The following IFFO2 variants were observed in gnomAD, a reference collection of about 807,000 sequenced individuals.
IFFO2 encodes the protein intermediate filament family orphan 2.
IFFO2 carries 19 observed loss-of-function variants against 53.5 expected under a neutral mutation model. That is an observed-to-expected ratio of 0.36 (90% CI 0.25 to 0.52). The LOEUF is 0.52. Among genes scored for constraint, IFFO2 ranks in the 20% least tolerant of loss-of-function variants. The pLI, the probability that IFFO2 is intolerant of heterozygous loss-of-function variation, is 0.94. For missense variants in IFFO2, 570 were observed against 727.4 expected (o/e 0.78, Z 2.49); for synonymous variants, 303 against 313.6 (o/e 0.97, Z 0.36).
intron 7 of IFFO2, 23 bp downstream of exon 7, chr1:18,911,361 G>A: frequency 7.5e-7 from 1 of 1,336,616 alleles, no homozygotes; most frequent in African/African-American, 1.5e-5. Flanking sequence ...CTCACGAGTG[G>A]GCTCCACGTC....
chr1:18,929,386 C>A (rs1298135703), intron 1 of IFFO2, among the ~76,000 whole-genome samples: 1 of 152,166 alleles, frequency 6.6e-6, no homozygotes, highest in African/African-American at 2.4e-5. Flanking sequence ...AAGTCTGGGC[C>A]CCCTCAGCAA....
rs750215792 is a variant in IFFO2 at position 18,956,231 on chromosome 1, CCCGCCG to C, written c.96_101del (p.Gly33_Gly34del). The C allele has an allele frequency of 4.2e-5, 52 of 1,241,468 alleles. 2 individuals carry two copies. The South Asian group carries it at 7.7e-4, about 18-fold the overall frequency. The allele number at this position is 1,241,468 out of a possible 1,614,324, so 76.9% of individuals were successfully genotyped here. A position where few individuals can be genotyped will look rare whatever the true frequency, so the allele number is the denominator to read the frequency against. On this transcript the variant is annotated inframe_deletion, in exon 1 of 9. Coordinates refer to ENST00000455833, the MANE Select transcript of IFFO2 (RefSeq NM_001136265.2). This position sits in a 1 kb window ranked among gnomAD's most constrained non-coding sequence, Gnocchi z 6.4. ...TCACCGGCGACGGACCCGGCCCTGC[CCCGCCG>C]CCGCCGCCGCCCCCGCCAGGGCAGC...
chr1:18,939,247 A>G, intron 1 of IFFO2, among the ~76,000 whole-genome samples: 1 of 152,230 alleles, frequency 6.6e-6, no homozygotes, highest in East Asian at 1.9e-4. Flanking sequence ...ATTCCAGGCC[A>G]GGGAGCCCTC....
chr1:18,913,230 C>T (rs147571929), intron 5 of IFFO2, among the ~76,000 whole-genome samples: 1 of 152,238 alleles, frequency 6.6e-6, no homozygotes, highest in Admixed American at 6.5e-5. Context: ...TCAGGCCGGG[C>T]CGGCTCCCCT....
intron 1 of IFFO2, among the ~76,000 whole-genome samples, chr1:18,944,005 G>A (rs1936554667): frequency 6.6e-6 from 1 of 152,204 alleles, no homozygotes; most frequent in African/African-American, 2.4e-5. Flanking sequence ...CCCCCAGAGG[G>A]AGCCCTGAGC....
intron 1 of IFFO2, among the ~76,000 whole-genome samples, chr1:18,935,864 A>ATTTTTTTTT (rs757253270): frequency 4.1e-3 from 387 of 95,370 alleles, no homozygotes; most frequent in Non-Finnish European, 5.3e-3. Flanking sequence ...TAATTTTTCT[A>ATTTTTTTTT]TTTTTTTTTT....
chr1:18,910,066 C>T (rs147084755), intron 8 of IFFO2, among the ~76,000 whole-genome samples: 75 of 152,252 alleles, frequency 4.9e-4, no homozygotes, highest in Admixed American at 3.7e-3. Context: ...CTGGCCCCAC[C>T]GTCTTGCACA....
In IFFO2 at chr1:18,934,092, C is replaced by T. The variant is rs1257158881; in HGVS notation, c.666-12971G>A. ...TTTTTTTTTTTTTTTTTTGAGACAGCGTCTCACTCTGTTGCCCAGGCTGGA... is the reference window on the plus strand; with the variant it reads ...TTTTTTTTTTTTTTTTTTGAGACAGTGTCTCACTCTGTTGCCCAGGCTGGA... On this transcript the variant is annotated intron_variant, in intron 1 of 8. Transcript: ENST00000455833. Among the ~76,000 whole-genome samples the T allele has an allele frequency of 6.3e-4, 56 of 88,376 alleles. 1 individual carries two copies. The highest frequency in any genetic ancestry group is 1.8e-4 in the Non-Finnish European group (9 of 49,186). 58.0% of individuals were successfully genotyped at this position (88,376 alleles called of 152,430 possible).
At chr1:18,913,519 G>A (rs1936076360) in intron 5 of IFFO2, among the ~76,000 whole-genome samples, 1 of 152,260 alleles carries the variant, frequency 6.6e-6, no homozygotes, top group Admixed American at 6.5e-5. Context: ...GTGGGGCTGA[G>A]GAGGAGCCTT....
intron 1 of IFFO2, among the ~76,000 whole-genome samples, chr1:18,948,403 C>T (rs28740871): frequency 2.6e-5 from 4 of 152,034 alleles, no homozygotes; most frequent in African/African-American, 4.8e-5. Context: ...CCCATTCCCA[C>T]GTGGGCATAG....
At position 18,955,968 on chromosome 1, in the gene IFFO2, C is replaced by A; in HGVS notation, c.365G>T (p.Gly122Val). The A allele has an allele frequency of 7.6e-7, 1 of 1,322,116 alleles. No homozygotes were observed. The highest frequency in any genetic ancestry group is 9.7e-7 in the Non-Finnish European group (1 of 1,030,498). The allele number at this position is 1,322,116 out of a possible 1,614,324, so 81.9% of individuals were successfully genotyped here. Residue 122 changes from glycine to valine, a missense_variant, in exon 1 of 9, where the codon GGG (glycine) becomes GTG (valine). By Grantham distance (109) the Gly-to-Val change is moderately radical (BLOSUM62 -3). Coordinates refer to ENST00000455833, the MANE Select transcript of IFFO2 (RefSeq NM_001136265.2). ...ELLRPPAPGG[G>V]HGLSSGAAAG... ...CGCCGCGCCACTGCTGAGGCCGTGC[C>A]CGCCGCCGGGCGCCGGGGGCCGCAG...
rs183659055 is a variant in IFFO2, at chr1:18,929,077, C to T, written c.666-7956G>A. ...GTTCCTGAGGGCTTGCCACGAGCCCCGCAGGCCTTAGAGAGTCAAAGGTTG... is the reference window on the plus strand; with the variant it reads ...GTTCCTGAGGGCTTGCCACGAGCCCTGCAGGCCTTAGAGAGTCAAAGGTTG... On this transcript the variant is annotated intron_variant, in intron 1 of 8. Transcript: ENST00000455833. Among the ~76,000 whole-genome samples the T allele has an allele frequency of 1.8e-3, 270 of 152,320 alleles. 3 individuals are homozygous for T. The highest frequency in any genetic ancestry group is 9.7e-4 in the Non-Finnish European group (66 of 68,018).
chr1:18,910,687 G>A (rs956464161), intron 7 of IFFO2, among the ~76,000 whole-genome samples: 2 of 152,212 alleles, frequency 1.3e-5, no homozygotes, highest in Non-Finnish European at 2.9e-5. Flanking sequence ...GGCCAAAGGG[G>A]AATGGTTGCT....
chr1:18,942,434 G>A (rs528729382), intron 1 of IFFO2, among the ~76,000 whole-genome samples: 67 of 152,240 alleles, frequency 4.4e-4, no homozygotes, highest in African/African-American at 1.5e-3. Flanking sequence ...GGGAGGGAGC[G>A]GTAACAGCTG....
At chr1:18,932,255 C>T (rs907041108) in intron 1 of IFFO2, among the ~76,000 whole-genome samples, 1 of 152,250 alleles carries the variant, frequency 6.6e-6, no homozygotes, top group African/African-American at 2.4e-5. Flanking sequence ...CGGAGGCTCT[C>T]GTCCCTTCTC....
At chr1:18,914,752 G>A (rs1434587229) in intron 5 of IFFO2, among the ~76,000 whole-genome samples, 1 of 151,348 alleles carries the variant, frequency 6.6e-6, no homozygotes, top group African/African-American at 2.4e-5. Flanking sequence ...GAACCCAGGA[G>A]GTGGAAGCTG....
At chr1:18,952,941 A>T (rs1277986500) in intron 1 of IFFO2, among the ~76,000 whole-genome samples, 1 of 152,244 alleles carries the variant, frequency 6.6e-6, no homozygotes, top group Non-Finnish European at 1.5e-5. Flanking sequence ...ATGGAGGTGG[A>T]ACTCAACAAG....
At chr1:18,955,581 C>T in intron 1 of IFFO2, 87 bp downstream of exon 1, 1 of 1,459,576 alleles carries the variant, frequency 6.9e-7, no homozygotes, top group South Asian at 1.3e-5. Context: ...CAGCTGCCCG[C>T]CCGGCCCCCG....
chr1:18,941,444 G>A (rs879298956), intron 1 of IFFO2, among the ~76,000 whole-genome samples: 1 of 152,192 alleles, frequency 6.6e-6, no homozygotes, highest in Non-Finnish European at 1.5e-5. Context: ...GTCAACTCTG[G>A]AAAAACAATG....
Sources: allele counts gnomAD v4.1 joint callset (sites outside exome capture counted in the v4.1 genomes callset), GRCh38; gene constraint gnomAD v4.1.1; non-coding constraint Gnocchi (gnomAD v3.1); transcripts MANE v1.5; gene names NCBI Gene and HGNC (gene_info 2026-07-23, HGNC 2026-07-21).